Variants in SMAD3 observed in about 807,000 individuals in gnomAD.
SMAD3 encodes the protein MAD homolog 3.
In SMAD3, 12 loss-of-function variants were observed where a neutral mutation model predicts 51.8. The observed-to-expected ratio is 0.23, with a 90% CI of 0.15 to 0.38. The LOEUF (loss-of-function observed/expected upper bound fraction) is 0.38, where lower values mean the gene tolerates loss of function less well. Ranked by LOEUF, SMAD3 falls within the 10% of genes least tolerant of loss-of-function variation. The pLI is 1.00. For missense variants in SMAD3, 294 were observed against 565.6 expected, an observed-to-expected ratio of 0.52 and a Z score of 4.87; for synonymous variants, 238 against 227.7, an observed-to-expected ratio of 1.05 and a Z score of -0.41.
At chr15:67,093,336 G>A (rs1045402643) in intron 1 of SMAD3, among the ~76,000 whole-genome samples, 6 of 152,104 alleles carry the variant, frequency 3.9e-5, no homozygotes, top group Non-Finnish European at 7.4e-5. Flanking sequence ...AAAGCCTTCA[G>A]GATCCACACC....
At chr15:67,069,349 C>G (rs180880165) in intron 1 of SMAD3, among the ~76,000 whole-genome samples, 74 of 152,294 alleles carry the variant, frequency 4.9e-4, no homozygotes, top group Admixed American at 4.2e-3. Flanking sequence ...TTATAACAGC[C>G]TCTCATGCCT....
chr15:67,175,665 T>G (rs573987807), intron 5 of SMAD3, among the ~76,000 whole-genome samples: 23 of 152,068 alleles, frequency 1.5e-4, no homozygotes, highest in African/African-American at 5.1e-4. Context: ...GCCCCGTGAG[T>G]CAGGGTTAGG....
intron 1 of SMAD3, among the ~76,000 whole-genome samples, chr15:67,067,600 G>T (rs1959955345): frequency 6.6e-6 from 1 of 152,186 alleles, no homozygotes; most frequent in Non-Finnish European, 1.5e-5. Flanking sequence ...GTTGTACAGG[G>T]GCTGCCAGGC....
intron 5 of SMAD3, among the ~76,000 whole-genome samples, chr15:67,178,959 T>G (rs1962979361): frequency 6.6e-6 from 1 of 152,180 alleles, no homozygotes; most frequent in Non-Finnish European, 1.5e-5. Flanking sequence ...CTCTCCATCT[T>G]GATGGTGATC....
At chr15:67,106,747 C>T (rs192077339) in intron 1 of SMAD3, among the ~76,000 whole-genome samples, 14 of 152,280 alleles carry the variant, frequency 9.2e-5, no homozygotes, top group African/African-American at 2.2e-4. Flanking sequence ...CCGTTACCCG[C>T]GTGGTAGCCA....
intron 1 of SMAD3, among the ~76,000 whole-genome samples, chr15:67,109,097 C>G (rs1366708158): frequency 1.3e-5 from 2 of 152,198 alleles, no homozygotes; most frequent in Admixed American, 6.5e-5. Context: ...CCTGATAAAG[C>G]ATGGTCACTT....
intron 1 of SMAD3, among the ~76,000 whole-genome samples, chr15:67,115,296 AT>A (rs1961110788): frequency 6.6e-6 from 1 of 151,984 alleles, no homozygotes; most frequent in African/African-American, 2.4e-5. Context: ...ACACCCGCAG[AT>A]TTTGTTGTGT....
intron 4 of SMAD3, among the ~76,000 whole-genome samples, chr15:67,167,497 G>A (rs1248607367): frequency 1.3e-5 from 2 of 152,166 alleles, no homozygotes; most frequent in African/African-American, 2.4e-5. Flanking sequence ...CAGGGCCTGT[G>A]CCTTAGTGAG....
At chr15:67,087,500 G>A (rs549488090) in intron 1 of SMAD3, among the ~76,000 whole-genome samples, 3 of 152,310 alleles carry the variant, frequency 2.0e-5, no homozygotes, top group African/African-American at 7.2e-5. Context: ...CCTCTCAGCT[G>A]TGGCTGCATT....
intron 1 of SMAD3, among the ~76,000 whole-genome samples, chr15:67,164,375 C>T (rs544136010): frequency 1.3e-5 from 2 of 149,418 alleles, no homozygotes; most frequent in African/African-American, 2.5e-5. Flanking sequence ...TCTTTTTTTC[C>T]CCTGACTTTC....
intron 1 of SMAD3, among the ~76,000 whole-genome samples, chr15:67,079,385 A>G (rs968862690): frequency 3.3e-5 from 5 of 152,198 alleles, no homozygotes; most frequent in African/African-American, 1.2e-4. Context: ...ATTTCCACAG[A>G]GACCTTAGAG....
rs1243759602 is a variant in SMAD3, at chr15:67,113,399, A to AT, written c.206+47044dup. ...GCCACTGCGCCCGGCCTTAAAATAT[A>AT]TTTTTCAAAATCTACATTGTTCAAA... On this transcript the variant is annotated intron_variant, in intron 1 of 8. Coordinates refer to ENST00000327367, the MANE Select transcript of SMAD3 (RefSeq NM_005902.4). Among the ~76,000 whole-genome samples, 9 of 152,038 alleles carry AT rather than the reference A, an allele frequency of 5.9e-5. No individual in the cohort carries two copies. In the South Asian group the frequency reaches 8.3e-4, roughly 14 times the overall value.
intron 1 of SMAD3, among the ~76,000 whole-genome samples, chr15:67,109,773 G>A (rs1595904416): frequency 1.3e-5 from 2 of 152,314 alleles, no homozygotes; most frequent in African/African-American, 2.4e-5. Flanking sequence ...CGACACCCGC[G>A]TGCCCCTTAC....
chr15:67,156,823 G>A (rs1413422510), intron 1 of SMAD3, among the ~76,000 whole-genome samples: 3 of 151,990 alleles, frequency 2.0e-5, no homozygotes, highest in Non-Finnish European at 4.4e-5. Flanking sequence ...GCGGGTGGGA[G>A]AGGGAAGTCC....
At chr15:67,143,006 GAGA>G (rs982363701) in intron 1 of SMAD3, 2 of 251,982 alleles carry the variant, frequency 7.9e-6, no homozygotes, top group African/African-American at 4.6e-5. Context: ...GTCCTTGCTG[GAGA>G]GCCAGCTCTC....
intron 1 of SMAD3, among the ~76,000 whole-genome samples, chr15:67,119,702 A>G (rs1961216614): frequency 6.6e-6 from 1 of 152,258 alleles, no homozygotes; most frequent in Non-Finnish European, 1.5e-5. Flanking sequence ...GAATTGCCCA[A>G]GAGAGCTTCT....
At chr15:67,111,975 A>C (rs779192047) in intron 1 of SMAD3, among the ~76,000 whole-genome samples, 4 of 150,252 alleles carry the variant, frequency 2.7e-5, no homozygotes, top group Admixed American at 6.6e-5. Context: ...TTTAGTAGAG[A>C]CAGGGTTTCA....
At chr15:67,153,153 T>C (rs1485672420) in intron 1 of SMAD3, among the ~76,000 whole-genome samples, 1 of 152,194 alleles carries the variant, frequency 6.6e-6, no homozygotes, top group African/African-American at 2.4e-5. Flanking sequence ...TCCAGTGAGT[T>C]ACTGAGTGAG....
chr15:67,182,997 AAAAATATATATAT>A (rs1348128245), intron 6 of SMAD3, among the ~76,000 whole-genome samples: 10 of 57,182 alleles, frequency 1.7e-4, no homozygotes, highest in South Asian at 7.9e-4. Flanking sequence ...AAAAAAAAAA[AAAAATATATATAT>A]ATATATATAT....
Sources: allele counts gnomAD v4.1 joint callset (sites outside exome capture counted in the v4.1 genomes callset), GRCh38; gene constraint gnomAD v4.1.1; transcripts MANE v1.5; gene names NCBI Gene and HGNC (gene_info 2026-07-23, HGNC 2026-07-21).